OPCML: variants seen among roughly 807,000 people sequenced by gnomAD.
OPCML encodes the protein opioid binding protein/cell adhesion molecule like, also known as opioid-binding protein/cell adhesion molecule.
Under a neutral mutation model 37.8 loss-of-function variants are expected in OPCML, and 13 were observed. That is an observed-to-expected ratio of 0.34 (90% CI 0.22 to 0.55). The LOEUF is 0.55. OPCML is among the 20% of genes least tolerant of loss of function. The pLI is 0.91. For missense variants in OPCML, 341 were observed against 435.6 expected, an observed-to-expected ratio of 0.78 and a Z score of 1.93; for synonymous variants, 176 against 168.8, an observed-to-expected ratio of 1.04 and a Z score of -0.33.
chr11:133,286,269 T>C (rs1942293727), intron 1 of OPCML, among the ~76,000 whole-genome samples: 1 of 151,716 alleles, frequency 6.6e-6, no homozygotes, highest in African/African-American at 2.4e-5. Context: ...GCTAACACAG[T>C]GAAAACCCGT....
rs186017970 is a variant in OPCML at position 133,483,421 on chromosome 11, T to C, written c.61+48843A>G. On this transcript the variant is annotated intron_variant, in intron 1 of 7. Transcript: ENST00000524381. ...ATAGATGATTGATAGATTAAATAGA[T>C]AGATAATAGGCAGATTAGCTAGATT... Among the ~76,000 whole-genome samples the C allele has an allele frequency of 2.3e-3, 350 of 151,956 alleles. 4 individuals carry two copies. Among genetic ancestry groups the C allele is most frequent in the African/African-American group, 8.1e-3 (337 of 41,506 alleles).
Position 132,418,214 on chromosome 11 carries a change from C to T in OPCML, c.*1979G>A, listed in dbSNP as rs2095945116. 6.6e-6 allele frequency: 1 copy of T among 152,166 alleles called. No individual in the cohort carries two copies. Among genetic ancestry groups the T allele is most frequent in the Non-Finnish European group, 1.5e-5 (1 of 68,034 alleles). The allele number at this position is 152,166 out of a possible 1,614,324, so 9.4% of individuals were successfully genotyped here. A position where few individuals can be genotyped will look rare whatever the true frequency, so the allele number is the denominator to read the frequency against. On this transcript the variant is annotated 3_prime_UTR_variant, in exon 8 of 8. Transcript: ENST00000524381. The stretch of plus-strand genomic sequence containing the variant: ...GTGCTCATATTTTTTATTTTTTAGA[C>T]TGAGGGCCTGAAAAGGTTTTCCAAC...
chr11:132,708,929 T>C (rs1217280323), intron 2 of OPCML, among the ~76,000 whole-genome samples: 2 of 152,238 alleles, frequency 1.3e-5, no homozygotes, highest in African/African-American at 4.8e-5. Context: ...CATATTTAAA[T>C]GGAATGGCCA....
intron 2 of OPCML, among the ~76,000 whole-genome samples, chr11:132,783,083 C>T (rs1156663913): frequency 6.6e-6 from 1 of 151,908 alleles, no homozygotes; most frequent in Non-Finnish European, 1.5e-5. Flanking sequence ...CAGTTCACCT[C>T]TTTGGGTGAA....
At chr11:132,427,595 C>T (rs1464377871) in intron 7 of OPCML, among the ~76,000 whole-genome samples, 1 of 152,190 alleles carries the variant, frequency 6.6e-6, no homozygotes, top group Admixed American at 6.5e-5. Flanking sequence ...CTTAACACAC[C>T]CTGTTTTGTG....
chr11:133,096,179 T>C (rs916888129), intron 1 of OPCML, among the ~76,000 whole-genome samples: 12 of 151,550 alleles, frequency 7.9e-5, no homozygotes, highest in African/African-American at 2.2e-4. Context: ...AAATGAATGA[T>C]AGCAACAATA....
intron 1 of OPCML, among the ~76,000 whole-genome samples, chr11:133,058,297 G>T (rs1358673366): frequency 2.0e-5 from 3 of 152,126 alleles, no homozygotes. Flanking sequence ...TAAAGGATGA[G>T]TGAAGTTCCC....
At chr11:132,614,905 C>A (rs753249945) in intron 3 of OPCML, among the ~76,000 whole-genome samples, 2 of 152,222 alleles carry the variant, frequency 1.3e-5, no homozygotes, top group East Asian at 1.9e-4. Flanking sequence ...TTTTAACAAG[C>A]ACTTTCTAAC....
At position 132,420,151 on chromosome 11, in the gene OPCML, T is replaced by C; in HGVS notation, c.*42A>G. 2 of 1,563,996 alleles carry C rather than the reference T, an allele frequency of 1.3e-6. No homozygotes were observed. The highest frequency in any genetic ancestry group is 1.8e-6 in the Non-Finnish European group (2 of 1,135,306). ...CCGCAGTGTAGATTAAAGTCTGTGATATGGAGAAGCAGGCGTTGCTCAGAG... is the reference window on the plus strand; with the variant it reads ...CCGCAGTGTAGATTAAAGTCTGTGACATGGAGAAGCAGGCGTTGCTCAGAG... On this transcript the variant is annotated 3_prime_UTR_variant, in exon 8 of 8. Transcript: ENST00000524381.
chr11:132,999,942 G>T (rs977929904), intron 1 of OPCML, among the ~76,000 whole-genome samples: 2 of 152,178 alleles, frequency 1.3e-5, no homozygotes, highest in Non-Finnish European at 2.9e-5. Context: ...AAGCCTGCTT[G>T]CACTCAGCCC....
intron 4 of OPCML, among the ~76,000 whole-genome samples, chr11:132,465,100 A>G (rs2096115515): frequency 6.6e-6 from 1 of 152,196 alleles, no homozygotes; most frequent in African/African-American, 2.4e-5. Flanking sequence ...GGGCTACATA[A>G]AAAGATACAT....
intron 1 of OPCML, among the ~76,000 whole-genome samples, chr11:133,512,258 C>T (rs1948177298): frequency 6.6e-6 from 1 of 152,234 alleles, no homozygotes; most frequent in Admixed American, 6.5e-5. Flanking sequence ...ACACCTACCA[C>T]CCAGTCTTTG....
intron 3 of OPCML, among the ~76,000 whole-genome samples, chr11:132,531,448 G>T (rs1247318527): frequency 6.6e-6 from 1 of 152,176 alleles, no homozygotes; most frequent in African/African-American, 2.4e-5. Context: ...GATGTCAAAG[G>T]AGAATTATGG....
chr11:132,617,745 T>C (rs1393999342), intron 3 of OPCML, among the ~76,000 whole-genome samples: 5 of 152,346 alleles, frequency 3.3e-5, no homozygotes, highest in African/African-American at 9.6e-5. Context: ...TCTTGCTGTG[T>C]CTTCACATGG....
At chr11:132,570,630 G>C (rs956205696) in intron 3 of OPCML, among the ~76,000 whole-genome samples, 1 of 150,792 alleles carries the variant, frequency 6.6e-6, no homozygotes, top group Non-Finnish European at 1.5e-5. Flanking sequence ...TAAATTAACA[G>C]TCTCAAAAAA....
At chr11:132,545,341 G>A (rs911086464) in intron 3 of OPCML, among the ~76,000 whole-genome samples, 4 of 152,098 alleles carry the variant, frequency 2.6e-5, no homozygotes, top group African/African-American at 9.7e-5. Context: ...AGAGTATCTG[G>A]GGCATATGGT....
At chr11:132,610,355 A>T (rs371164486) in intron 3 of OPCML, among the ~76,000 whole-genome samples, 2 of 152,332 alleles carry the variant, frequency 1.3e-5, no homozygotes, top group East Asian at 3.9e-4. Context: ...ATCTCTTGCC[A>T]GTTACTTTTA....
At chr11:132,823,199 C>G (rs1356708592) in intron 2 of OPCML, among the ~76,000 whole-genome samples, 1 of 152,148 alleles carries the variant, frequency 6.6e-6, no homozygotes, top group Non-Finnish European at 1.5e-5. Context: ...TGTCCCTGTT[C>G]CATTTTTTTC....
intron 2 of OPCML, among the ~76,000 whole-genome samples, chr11:132,869,318 G>A (rs1942702845): frequency 1.3e-5 from 2 of 152,210 alleles, no homozygotes; most frequent in Non-Finnish European, 2.9e-5. Context: ...CAAGGGCAAA[G>A]AGAGTTGACA....
Sources: allele counts gnomAD v4.1 joint callset (sites outside exome capture counted in the v4.1 genomes callset), GRCh38; gene constraint gnomAD v4.1.1; transcripts MANE v1.5; gene names NCBI Gene and HGNC (gene_info 2026-07-23, HGNC 2026-07-21).